Variants in SLC25A19 observed in about 807,000 individuals in gnomAD.
The protein encoded by SLC25A19 is mitochondrial thiamine pyrophosphate carrier.
In SLC25A19, 18 loss-of-function variants were observed where a neutral mutation model predicts 27.9. The ratio of observed to expected loss-of-function variants is 0.64; its 90% CI spans 0.45 to 0.96. The LOEUF (loss-of-function observed/expected upper bound fraction) is 0.96. Among genes scored for constraint, SLC25A19 ranks in the 40% least tolerant of loss-of-function variants. The pLI is 0.00. For synonymous variants in SLC25A19, 169 were observed against 167.1 expected (o/e 1.01, Z -0.09); for missense variants, 371 against 418.3 (o/e 0.89, Z 0.99).
intron 3 of SLC25A19, 35 bp from the exon 4 acceptor site, chr17:75,286,494 G>A (rs1567843623): frequency 6.2e-7 from 1 of 1,613,468 alleles, no homozygotes; most frequent in South Asian, 1.1e-5. Flanking sequence ...AGGACAGTGG[G>A]GTGGGCTGGA....
At chr17:75,286,499 G>C (rs1224197816) in intron 3 of SLC25A19, 40 bp from the exon 4 acceptor site, 3 of 1,613,264 alleles carry the variant, frequency 1.9e-6, no homozygotes, top group Non-Finnish European at 2.5e-6. Context: ...AGTGGGGTGG[G>C]CTGGAATGTG....
Position 75,273,393 on chromosome 17 carries a change from T to G in SLC25A19, c.*58A>C. ...CCAGACGGCACCTCTCAGTGGAGAC[T>G]GAATCTTCCTTCCTTCAGGAGGCTG... On this transcript the variant is annotated 3_prime_UTR_variant, in exon 8 of 8. Coordinates refer to ENST00000416858, the MANE Select transcript of SLC25A19 (RefSeq NM_001126121.2). 4.5e-6 allele frequency: 7 copies of G among 1,569,180 alleles called. No homozygotes were observed. In the South Asian group the frequency reaches 7.9e-5, roughly 18 times the overall value.
chr17:75,288,871 G>A (rs1567845355), intron 1 of SLC25A19: 1 of 152,192 alleles, frequency 6.6e-6, no homozygotes, highest in Non-Finnish European at 1.5e-5. Flanking sequence ...AAGCGACTGA[G>A]AGGCAAAACC....
intron 5 of SLC25A19, 72 bp from the exon 6 acceptor site, chr17:75,278,407 T>G: frequency 5.1e-6 from 8 of 1,555,120 alleles, no homozygotes; most frequent in Admixed American, 1.7e-5. Context: ...ATCATAGCTC[T>G]GTCCCCTCGC....
At chr17:75,286,608 T>C (rs2078188160) in intron 3 of SLC25A19, 25 bp downstream of exon 3, 3 of 1,614,086 alleles carry the variant, frequency 1.9e-6, no homozygotes, top group Non-Finnish European at 2.5e-6. Context: ...CTCCAGTCCA[T>C]TGCATGGAAA....
At chr17:75,288,711 A>AT (rs2078240047) in intron 1 of SLC25A19, 120 bp from the exon 2 acceptor site, 1 of 111,412 alleles carries the variant, frequency 9.0e-6, no homozygotes, top group Non-Finnish European at 1.7e-5. Flanking sequence ...TAGTTCTTGA[A>AT]TACTTGTAGT....
At chr17:75,285,843 G>A (rs999372152) in intron 4 of SLC25A19, among the ~76,000 whole-genome samples, 1 of 152,174 alleles carries the variant, frequency 6.6e-6, no homozygotes, top group Non-Finnish European at 1.5e-5. Flanking sequence ...GACTATACTA[G>A]TGCTCCACTG....
At chr17:75,286,933 G>A (rs1856504528) in intron 2 of SLC25A19, 131 bp from the exon 3 acceptor site, 7 of 886,744 alleles carry the variant, frequency 7.9e-6, no homozygotes, top group East Asian at 2.9e-5. Context: ...TGGGCGCAGC[G>A]GTTCATGCCT....
At position 75,283,590 on chromosome 17, in the gene SLC25A19, A is replaced by G. The variant is rs1348189842; in HGVS notation, c.292T>C (p.Leu98=). 3.1e-6 allele frequency: 5 copies of G among 1,612,934 alleles called. No individual in the cohort carries two copies. Among genetic ancestry groups the G allele is most frequent in the Non-Finnish European group, 4.2e-6 (5 of 1,179,504 alleles). The part of the protein sequence containing the change: ...LSIGYGAVQF[L]SFEMLTELVH... ...AGCTCCGTCAGCATTTCAAATGACAAGAACTGCAAGAGTAAGTGAAGAAGT... is the reference window on the plus strand; with the variant it reads ...AGCTCCGTCAGCATTTCAAATGACAGGAACTGCAAGAGTAAGTGAAGAAGT... Residue 98 remains leucine (L), a synonymous_variant, in exon 5 of 8, where the codon TTG becomes CTG. Transcript: ENST00000416858.
At chr17:75,279,841 CTT>C (rs2077993982) in intron 5 of SLC25A19, among the ~76,000 whole-genome samples, 2 of 152,214 alleles carry the variant, frequency 1.3e-5, no homozygotes, top group South Asian at 4.1e-4. Flanking sequence ...GGATATCTCA[CTT>C]TGTTGTTTGG....
intron 5 of SLC25A19, among the ~76,000 whole-genome samples, chr17:75,282,645 G>A (rs902146524): frequency 2.0e-5 from 3 of 152,040 alleles, no homozygotes; most frequent in African/African-American, 7.2e-5. Context: ...CACGAGGTCA[G>A]GAGATCGAGA....
chr17:75,278,638 T>C (rs2077958534), intron 5 of SLC25A19, among the ~76,000 whole-genome samples: 2 of 152,080 alleles, frequency 1.3e-5, no homozygotes, highest in African/African-American at 4.8e-5. Flanking sequence ...GGGTGCTGGT[T>C]ACGTGAATTA....
rs1368162396 is a variant in SLC25A19, at chr17:75,273,374, G to C, written c.*77C>G. On this transcript the variant is annotated 3_prime_UTR_variant, in exon 8 of 8. Transcript: ENST00000416858. Reference sequence around the variant, plus strand: ...GCTGGCCTGCAGGGAAGGGCCAGACGGCACCTCTCAGTGGAGACTGAATCT... The same window carrying C: ...GCTGGCCTGCAGGGAAGGGCCAGACCGCACCTCTCAGTGGAGACTGAATCT... The C allele has an allele frequency of 6.6e-7, 1 of 1,506,854 alleles. No homozygotes were observed. Among genetic ancestry groups the C allele is most frequent in the Admixed American group, 1.9e-5 (1 of 52,086 alleles). 93.3% of individuals were successfully genotyped at this position (1,506,854 alleles called of 1,614,324 possible). A position where few individuals can be genotyped will look rare whatever the true frequency, so the allele number is the denominator to read the frequency against.
intron 5 of SLC25A19, among the ~76,000 whole-genome samples, chr17:75,282,033 G>A (rs2078050228): frequency 6.6e-6 from 1 of 152,146 alleles, no homozygotes; most frequent in East Asian, 1.9e-4. Flanking sequence ...ATTTTGGGAG[G>A]CCGAGGCGGG....
intron 7 of SLC25A19, among the ~76,000 whole-genome samples, chr17:75,276,091 TGGTGAA>T (rs903664279): frequency 2.6e-5 from 4 of 152,006 alleles, no homozygotes; most frequent in Admixed American, 2.0e-4. Context: ...CTGGCCAACA[TGGTGAA>T]ACCCCGTCTC....
Position 75,274,118 on chromosome 17 carries a change from C to T in SLC25A19, c.775-479G>A, listed in dbSNP as rs541452536. Among the ~76,000 whole-genome samples the T allele has an allele frequency of 2.0e-4, 31 of 152,288 alleles. 1 individual carries two copies. The South Asian group carries it at 6.2e-3, about 31-fold the overall frequency. On this transcript the variant is annotated intron_variant, in intron 7 of 7. Transcript: ENST00000416858. Reference sequence around the variant, plus strand: ...CTACTGTAATTGGGTTAAGACTGAACAGATGACAGGCCTAGAAATCAGAAG... The same window carrying T: ...CTACTGTAATTGGGTTAAGACTGAATAGATGACAGGCCTAGAAATCAGAAG...
chr17:75,275,804 G>A lies in SLC25A19; in HGVS notation c.774+1549C>T, dbSNP rs934423839. Among the ~76,000 whole-genome samples, 15 of 151,862 alleles carry A rather than the reference G, an allele frequency of 9.9e-5. No homozygotes were observed. In the East Asian group the frequency reaches 1.6e-3, roughly 16 times the overall value. ...ACCCTGTCTCATATGGTGAAACCCC[G>A]TCTCTTCTAAAAATACAAAAATTAG... On this transcript the variant is annotated intron_variant, in intron 7 of 7. Transcript: ENST00000416858.
intron 5 of SLC25A19, among the ~76,000 whole-genome samples, chr17:75,282,454 C>CA (rs1256467063): frequency 6.6e-6 from 1 of 152,018 alleles, no homozygotes; most frequent in African/African-American, 2.4e-5. Context: ...GAGGCGGAGG[C>CA]AGGAGAACTG....
At chr17:75,277,720 C>T (rs1053980978) in intron 6 of SLC25A19, among the ~76,000 whole-genome samples, 1 of 152,070 alleles carries the variant, frequency 6.6e-6, no homozygotes, top group Non-Finnish European at 1.5e-5. Context: ...CCGCAGTCCC[C>T]CAGCTGGAGG....
Sources: allele counts gnomAD v4.1 joint callset (sites outside exome capture counted in the v4.1 genomes callset), GRCh38; gene constraint gnomAD v4.1.1; transcripts MANE v1.5; gene names NCBI Gene and HGNC (gene_info 2026-07-23, HGNC 2026-07-21).